Variants in COP1 observed in about 807,000 individuals in gnomAD.
The protein encoded by COP1 is E3 ubiquitin-protein ligase COP1.
A neutral mutation model predicts 101.3 loss-of-function variants in COP1; 24 were observed. That is an observed-to-expected ratio of 0.24 (90% CI 0.17 to 0.33). The LOEUF (loss-of-function observed/expected upper bound fraction) is 0.33, where lower values mean the gene tolerates loss of function less well. COP1 is among the 10% of genes least tolerant of loss of function. The pLI, the probability that COP1 is intolerant of heterozygous loss-of-function variation, is 1.00. For missense variants in COP1, 663 were observed against 906.2 expected (o/e 0.73, Z 3.45); for synonymous variants, 347 against 341.9 (o/e 1.01, Z -0.17).
rs1034875801 is a variant in COP1 at position 175,974,490 on chromosome 1, G to A, written c.2133+12453C>T. ...GAAAAACAGAATCTGAGGAGACAAA[G>A]CAATCATTAAACCAGACTCAGGTAC... On this transcript the variant is annotated intron_variant, in intron 18 of 19. Coordinates refer to ENST00000367669, the MANE Select transcript of COP1 (RefSeq NM_022457.7). Among the ~76,000 whole-genome samples, 3 of 152,236 alleles carry A rather than the reference G, an allele frequency of 2.0e-5. No homozygotes were observed. The East Asian group carries it at 5.8e-4, about 29-fold the overall frequency.
chr1:176,112,651 C>T (rs752190697), intron 9 of COP1, among the ~76,000 whole-genome samples: 4 of 152,182 alleles, frequency 2.6e-5, no homozygotes, highest in Admixed American at 1.3e-4. Flanking sequence ...AATGCTACAA[C>T]TCATTCACCT....
chr1:176,080,724 T>C (rs1434904327), intron 11 of COP1, among the ~76,000 whole-genome samples: 6 of 152,226 alleles, frequency 3.9e-5, no homozygotes, highest in Middle Eastern at 3.4e-3. Flanking sequence ...CAAGAAGAAA[T>C]AGATAACCTG....
intron 18 of COP1, among the ~76,000 whole-genome samples, chr1:175,953,850 T>G (rs1412559324): frequency 6.6e-6 from 1 of 151,676 alleles, no homozygotes; most frequent in Non-Finnish European, 1.5e-5. Context: ...TGACTCATGT[T>G]TGGAACTTTT....
intron 18 of COP1, among the ~76,000 whole-genome samples, chr1:175,954,355 C>A (rs1650342398): frequency 6.6e-6 from 1 of 151,732 alleles, no homozygotes; most frequent in African/African-American, 2.4e-5. Context: ...GTAACTTGCA[C>A]CTTAAGAAGC....
intron 15 of COP1, among the ~76,000 whole-genome samples, chr1:176,020,967 G>A (rs1666663471): frequency 6.6e-6 from 1 of 152,098 alleles, no homozygotes; most frequent in East Asian, 1.9e-4. Context: ...TTAGAAATCA[G>A]CTTCTTTCTT....
Position 176,006,620 on chromosome 1 carries a change from C to T in COP1, c.1730-17141G>A, listed in dbSNP as rs1571611177. Among the ~76,000 whole-genome samples the T allele has an allele frequency of 1.3e-5, 2 of 152,170 alleles. 1 individual carries two copies. Among genetic ancestry groups the T allele is most frequent in the South Asian group, 4.1e-4 (2 of 4,828 alleles). On this transcript the variant is annotated intron_variant, in intron 15 of 19. Transcript: ENST00000367669. Reference sequence around the variant, plus strand: ...CCTTTGCTTACGAAGCTTAGTTTGGCTTGATATGAAATTCTGGGTTGAAAA... The same window carrying T: ...CCTTTGCTTACGAAGCTTAGTTTGGTTTGATATGAAATTCTGGGTTGAAAA...
chr1:175,952,145 G>A (rs1478282129), intron 18 of COP1, among the ~76,000 whole-genome samples: 1 of 152,230 alleles, frequency 6.6e-6, no homozygotes, highest in South Asian at 2.1e-4. Flanking sequence ...CAAGAGGCCA[G>A]GCGCAGTGGC....
At chr1:176,176,551 G>A (rs1696967650) in intron 2 of COP1, among the ~76,000 whole-genome samples, 1 of 152,112 alleles carries the variant, frequency 6.6e-6, no homozygotes, top group South Asian at 2.1e-4. Context: ...AGGCACAACG[G>A]CTCATGCCTG....
At chr1:175,993,457 G>C (rs1659213663) in intron 15 of COP1, among the ~76,000 whole-genome samples, 1 of 152,114 alleles carries the variant, frequency 6.6e-6, no homozygotes, top group Non-Finnish European at 1.5e-5. Flanking sequence ...AGCTACAGGA[G>C]GAAACTTAAA....
intron 11 of COP1, among the ~76,000 whole-genome samples, chr1:176,058,524 C>T (rs1161271838): frequency 6.6e-6 from 1 of 152,238 alleles, no homozygotes; most frequent in East Asian, 1.9e-4. Flanking sequence ...AAGGGCGGTG[C>T]AAGATGTGCT....
At chr1:176,102,718 A>C (rs1448347342) in intron 9 of COP1, among the ~76,000 whole-genome samples, 1 of 152,226 alleles carries the variant, frequency 6.6e-6, no homozygotes, top group Non-Finnish European at 1.5e-5. Flanking sequence ...GGAGGCATGC[A>C]GCTGGAGGCC....
intron 18 of COP1, among the ~76,000 whole-genome samples, chr1:175,949,187 A>AAAAAAAAAAAAAAAAAAAG (rs1286894015): frequency 6.9e-6 from 1 of 144,818 alleles, no homozygotes; most frequent in African/African-American, 2.6e-5. Flanking sequence ...AAAAAAAAAA[A>AAAAAAAAAAAAAAAAAAAG]AAAAATGAAC....
chr1:176,001,430 A>C (rs1254069154), intron 15 of COP1, among the ~76,000 whole-genome samples: 1 of 152,152 alleles, frequency 6.6e-6, no homozygotes, highest in Non-Finnish European at 1.5e-5. Flanking sequence ...GTAAATGGAA[A>C]TACCACTACT....
chr1:176,008,439 A>C (rs1663958697), intron 15 of COP1, among the ~76,000 whole-genome samples: 2 of 152,194 alleles, frequency 1.3e-5, no homozygotes, highest in Non-Finnish European at 2.9e-5. Flanking sequence ...TAGTTATGAT[A>C]CTTTCAACAA....
chr1:176,075,607 T>G (rs1391372098), intron 11 of COP1, among the ~76,000 whole-genome samples: 5 of 152,158 alleles, frequency 3.3e-5, no homozygotes, highest in African/African-American at 1.2e-4. Context: ...TTTCTGAGAT[T>G]TGCTTTAAAA....
intron 15 of COP1, among the ~76,000 whole-genome samples, chr1:176,023,890 G>A (rs1406147532): frequency 1.3e-5 from 2 of 151,952 alleles, no homozygotes; most frequent in African/African-American, 2.4e-5. Flanking sequence ...CATTCAGAAC[G>A]CAGAATGAAC....
intron 3 of COP1, among the ~76,000 whole-genome samples, chr1:176,167,474 A>G (rs1695321608): frequency 6.6e-6 from 1 of 152,184 alleles, no homozygotes; most frequent in Admixed American, 6.5e-5. Flanking sequence ...CTGGATTTTA[A>G]GTGTGACATG....
intron 3 of COP1, among the ~76,000 whole-genome samples, chr1:176,175,124 C>G (rs961056516): frequency 6.6e-6 from 1 of 152,124 alleles, no homozygotes; most frequent in African/African-American, 2.4e-5. Context: ...TCTCTTCACC[C>G]ATTCACTCCC....
chr1:176,028,252 T>C (rs1211774532), intron 14 of COP1, among the ~76,000 whole-genome samples: 1 of 151,882 alleles, frequency 6.6e-6, no homozygotes, highest in Non-Finnish European at 1.5e-5. Context: ...GAGAGCTTAG[T>C]TTCAATGTCA....
Sources: allele counts gnomAD v4.1 joint callset (sites outside exome capture counted in the v4.1 genomes callset), GRCh38; gene constraint gnomAD v4.1.1; transcripts MANE v1.5; gene names NCBI Gene and HGNC (gene_info 2026-07-23, HGNC 2026-07-21).